The following NBAS variants were observed in gnomAD, a reference collection of about 807,000 sequenced individuals.
The protein encoded by NBAS is NBAS subunit of NRZ tethering complex.
Under a neutral mutation model 302.5 loss-of-function variants are expected in NBAS, and 219 were observed. The observed-to-expected ratio is 0.72, with a 90% CI of 0.65 to 0.81. The LOEUF is 0.81. Among genes scored for constraint, NBAS ranks in the 30% least tolerant of loss-of-function variants. The probability of loss-of-function intolerance (pLI) is 0.00; values close to 1 mark genes in which losing one functional copy is unlikely to be tolerated. For missense variants in NBAS, 2,932 were observed against 2,841.6 expected, an observed-to-expected ratio of 1.03 and a Z score of -0.72; for synonymous variants, 1,118 against 1,021.6, an observed-to-expected ratio of 1.09 and a Z score of -1.80.
the NBAS span, among the ~76,000 whole-genome samples, chr2:14,826,436 TG>T: frequency 6.6e-6 from 1 of 152,204 alleles, no homozygotes; most frequent in African/African-American, 2.4e-5. Context: ...GGTATGTGTG[TG>T]ATGCTATTTA....
At chr2:15,181,223 G>C (rs998862799) in intron 50 of NBAS, among the ~76,000 whole-genome samples, 1 of 152,144 alleles carries the variant, frequency 6.6e-6, no homozygotes, top group African/African-American at 2.4e-5. Context: ...AAGGATTTAT[G>C]ATATTTAGAC....
At chr2:15,321,490 T>C (rs1396916935) in intron 38 of NBAS, among the ~76,000 whole-genome samples, 2 of 152,162 alleles carry the variant, frequency 1.3e-5, no homozygotes, top group African/African-American at 2.4e-5. Flanking sequence ...TTTTGCAATC[T>C]ACCCATCTGA....
chr2:15,531,474 A>G lies in NBAS; in HGVS notation c.746+3069T>C, dbSNP rs926740592. On this transcript the variant is annotated intron_variant, in intron 9 of 51. Coordinates refer to ENST00000281513, the MANE Select transcript of NBAS (RefSeq NM_015909.4). The stretch of plus-strand genomic sequence containing the variant: ...ACAGCACACCTAAAAGGAGGTTTAC[A>G]CTATGGGGGTGAGTTTAGGGGAAAG... Among the ~76,000 whole-genome samples, 3 of 152,206 alleles carry G rather than the reference A, an allele frequency of 2.0e-5. No individual in the cohort carries two copies. The East Asian group carries it at 5.8e-4, about 29-fold the overall frequency.
At chr2:15,402,094 T>C in intron 26 of NBAS, 74 bp downstream of exon 26, 1 of 1,555,396 alleles carries the variant, frequency 6.4e-7, no homozygotes, top group Non-Finnish European at 8.9e-7. Flanking sequence ...GGTAAGCATT[T>C]GGGGAAGCAA....
chr2:15,080,544 C>T, the NBAS span, among the ~76,000 whole-genome samples: 3 of 152,234 alleles, frequency 2.0e-5, no homozygotes, highest in African/African-American at 4.8e-5. Context: ...TAAAAAACAA[C>T]CATTTGACTA....
At chr2:15,146,453 T>C in the NBAS span, among the ~76,000 whole-genome samples, 1 of 152,004 alleles carries the variant, frequency 6.6e-6, no homozygotes, top group Non-Finnish European at 1.5e-5. Context: ...ATAAAGGCAA[T>C]TTTAAAAGAA....
At chr2:15,443,793 A>C (rs1203788044) in intron 21 of NBAS, among the ~76,000 whole-genome samples, 25 of 152,180 alleles carry the variant, frequency 1.6e-4, no homozygotes, top group African/African-American at 5.8e-4. Context: ...CTGATAAGCA[A>C]CTTCAGCAAA....
chr2:15,033,990 A>AGAG, the NBAS span, among the ~76,000 whole-genome samples: 1,845 of 41,452 alleles, frequency 0.045, 44 homozygotes, highest in East Asian at 0.24. Flanking sequence ...AAGAGGAAGA[A>AGAG]GAAGAAGAAG....
At chr2:15,260,857 CAAAAAT>C (rs1030037333) in intron 44 of NBAS, among the ~76,000 whole-genome samples, 3 of 152,088 alleles carry the variant, frequency 2.0e-5, no homozygotes, top group Non-Finnish European at 2.9e-5. Flanking sequence ...TGAAAGCAAA[CAAAAAT>C]GTCAGGAAAC....
chr2:14,786,833 T>A, the NBAS span, among the ~76,000 whole-genome samples: 1 of 152,280 alleles, frequency 6.6e-6, no homozygotes, highest in East Asian at 1.9e-4. Flanking sequence ...AGATGTCTAT[T>A]AGGTCCGCTT....
the NBAS span, among the ~76,000 whole-genome samples, chr2:14,986,904 G>C: frequency 2.6e-5 from 4 of 152,044 alleles, no homozygotes; most frequent in Non-Finnish European, 5.9e-5. Flanking sequence ...AATGTAATAG[G>C]CAGTAGGTGA....
chr2:15,552,306 T>C (rs1181711569), intron 5 of NBAS, among the ~76,000 whole-genome samples: 1 of 152,274 alleles, frequency 6.6e-6, no homozygotes, highest in East Asian at 1.9e-4. Flanking sequence ...CCCAATGAAA[T>C]ATTATGGAAT....
intron 48 of NBAS, among the ~76,000 whole-genome samples, chr2:15,211,191 GA>G (rs1397110681): frequency 6.6e-6 from 1 of 151,992 alleles, no homozygotes; most frequent in Non-Finnish European, 1.5e-5. Flanking sequence ...ATCTTGATGT[GA>G]TTTTTATGCA....
At chr2:14,783,483 G>A in the NBAS span, among the ~76,000 whole-genome samples, 69 of 80,376 alleles carry the variant, frequency 8.6e-4, no homozygotes, top group Admixed American at 2.8e-3. Flanking sequence ...CCCCCACCCC[G>A]CAACAGTCCC....
At chr2:15,379,566 C>T (rs761059592) in intron 30 of NBAS, 36 bp downstream of exon 30, 1 of 1,587,632 alleles carries the variant, frequency 6.3e-7, no homozygotes, top group South Asian at 1.1e-5. Flanking sequence ...CTGACTTTCC[C>T]CCTCCATCTT....
intron 50 of NBAS, among the ~76,000 whole-genome samples, chr2:15,186,051 T>C (rs1326456649): frequency 6.6e-6 from 1 of 151,056 alleles, no homozygotes; most frequent in Non-Finnish European, 1.5e-5. Context: ...TTTAGAATGT[T>C]CTCCCTCTTT....
At chr2:15,147,929 A>T in the NBAS span, among the ~76,000 whole-genome samples, 16 of 152,146 alleles carry the variant, frequency 1.1e-4, no homozygotes, top group Non-Finnish European at 2.9e-5. Context: ...AAGATAGGCT[A>T]AATGTGTTTC....
the NBAS span, among the ~76,000 whole-genome samples, chr2:14,920,786 GAATT>G: frequency 6.6e-6 from 1 of 152,078 alleles, no homozygotes; most frequent in Non-Finnish European, 1.5e-5. Flanking sequence ...AGCCTTCATA[GAATT>G]AAATTAGGAC....
At chr2:15,437,868 AT>A (rs1194542549) in intron 21 of NBAS, among the ~76,000 whole-genome samples, 1 of 152,234 alleles carries the variant, frequency 6.6e-6, no homozygotes, top group Non-Finnish European at 1.5e-5. Flanking sequence ...TGCCACTGGT[AT>A]TCAAAGAGAA....
Sources: gnomAD v4.1 joint callset for allele counts (sites outside exome capture counted in the v4.1 genomes callset) on GRCh38, gnomAD v4.1.1 for gene constraint, MANE v1.5 for transcripts, NCBI Gene and HGNC (gene_info 2026-07-23, HGNC 2026-07-21) for gene names.